NTHL1: variants seen among roughly 807,000 people sequenced by gnomAD.
NTHL1 encodes nth like DNA glycosylase 1, also known as endonuclease III-like protein 1.
NTHL1 carries 32 observed loss-of-function variants against 32.3 expected under a neutral mutation model. That is an observed-to-expected ratio of 0.99 (90% CI 0.75 to 1.33). The LOEUF is 1.33. NTHL1 is among the 40% of genes most tolerant of loss of function. The pLI is 0.00. For missense variants in NTHL1, 501 were observed against 414.1 expected (o/e 1.21, Z -1.82); for synonymous variants, 188 against 176.9 (o/e 1.06, Z -0.50).
At chr16:2,041,995 C>T (rs2084273658) in intron 4 of NTHL1, 1 of 454,726 alleles carries the variant, frequency 2.2e-6, no homozygotes. Context: ...TCAGGTGATC[C>T]ACATACCTCG....
intron 4 of NTHL1, among the ~76,000 whole-genome samples, chr16:2,040,634 G>A (rs2150938927): frequency 1.3e-5 from 2 of 152,324 alleles, no homozygotes; most frequent in East Asian, 3.9e-4. Context: ...ACAAACGCTT[G>A]CTGGGGGCCA....
rs1596219266 is a variant in NTHL1 at position 2,043,581 on chromosome 16, G to A, written c.671C>T (p.Thr224Ile). 1 of 1,608,128 alleles carries A rather than the reference G, an allele frequency of 6.2e-7. No homozygotes were observed. The highest frequency in any genetic ancestry group is 8.5e-7 in the Non-Finnish European group (1 of 1,179,956). Reference sequence around the variant, plus strand: ...CCTCTACTCACCAATGCCTGACACAGTGCCCCAGGCCACAGCCATAGCCAG... The same window carrying A: ...CCTCTACTCACCAATGCCTGACACAATGCCCCAGGCCACAGCCATAGCCAG... ...AHLAMAVAWGTVSGIAVDTHV... is the reference protein window; with the variant it reads ...AHLAMAVAWGIVSGIAVDTHV... Residue 224 changes from threonine to isoleucine, a missense_variant, in exon 4 of 6, where the codon ACT becomes ATT. Coordinates refer to ENST00000651570, the MANE Select transcript of NTHL1 (RefSeq NM_002528.7). This position sits in a 1 kb window ranked among gnomAD's most constrained non-coding sequence, Gnocchi z 4.4.
In NTHL1 at chr16:2,044,705, G is replaced by A. The variant is rs962452543; in HGVS notation, c.450C>T (p.Gly150=). The A allele has an allele frequency of 6.2e-7, 1 of 1,612,330 alleles. No homozygotes were observed. The highest frequency in any genetic ancestry group is 8.5e-7 in the Non-Finnish European group (1 of 1,179,920). The change falls in exon 3 of 6, where the codon GGC becomes GGT. Residue 150 remains glycine, a synonymous_variant. Transcript: ENST00000651570. The surrounding 1 kb of genome is among the most constrained non-coding windows in gnomAD (Gnocchi z 5.0). ...AGAMQRLRAR[G]LTVDSILQTD... is the part of the protein sequence containing the mutation. ...TCTGCAGGATGCTGTCCACCGTCAG[G>A]CCCCGCGCCCGCAGTCGCTGCATGG...
chr16:2,047,441 C>T (rs1262011280), intron 1 of NTHL1: 9 of 564,130 alleles, frequency 1.6e-5, no homozygotes, highest in African/African-American at 7.8e-5. Flanking sequence ...TGGAGAGTCC[C>T]GGACAGAGTG....
intron 4 of NTHL1, among the ~76,000 whole-genome samples, chr16:2,041,616 T>C (rs533516545): frequency 5.6e-4 from 85 of 150,868 alleles, no homozygotes; most frequent in African/African-American, 1.8e-3. Flanking sequence ...CTAATTTTTT[T>C]TTTTTTGGTG....
intron 2 of NTHL1, among the ~76,000 whole-genome samples, chr16:2,045,532 G>A (rs1194258320): frequency 5.9e-5 from 9 of 152,102 alleles, no homozygotes; most frequent in Admixed American, 2.6e-4. Flanking sequence ...CGCCTCCGGG[G>A]TTCAAGCGAT....
chr16:2,047,588 C>A, intron 1 of NTHL1, 121 bp downstream of exon 1: 4 of 1,412,306 alleles, frequency 2.8e-6, no homozygotes, highest in Non-Finnish European at 3.7e-6. Flanking sequence ...GGGAACCGTT[C>A]GCGGCTGCCG....
rs1010733902 is a variant in NTHL1 at position 2,044,488 on chromosome 16, G to A, written c.525+142C>T. On this transcript the variant is annotated intron_variant, in intron 3 of 5. Transcript: ENST00000651570. This position sits in a 1 kb window ranked among gnomAD's most constrained non-coding sequence, Gnocchi z 5.0. ...TGGGCGTCAGGCCTCAGGGCCCCAC[G>A]GCCTGGGGGGGGCTTCAGGGGGACC... 3.8e-6 allele frequency: 4 copies of A among 1,054,004 alleles called. No individual in the cohort carries two copies. Among genetic ancestry groups the A allele is most frequent in the African/African-American group, 1.6e-5 (1 of 64,084 alleles). 65.3% of individuals were successfully genotyped at this position (1,054,004 alleles called of 1,614,324 possible).
At position 2,046,326 on chromosome 16, in the gene NTHL1, T is replaced by C. The variant is rs2150947326; in HGVS notation, c.156A>G (p.Lys52=). 1 of 1,611,098 alleles carries C rather than the reference T, an allele frequency of 6.2e-7. No individual in the cohort carries two copies. The highest frequency in any genetic ancestry group is 8.5e-7 in the Non-Finnish European group (1 of 1,178,366). Residue 52 remains lysine, a synonymous_variant, in exon 2 of 6, where the codon AAA becomes AAG. Transcript: ENST00000651570. ...CATAGGCCACACGCAGTCTCTGTGC[T>C]TTCCGCGGACGCTTCACGGGGCTGT... ...KSHSPVKRPR[K]AQRLRVAYEG... is the part of the protein sequence containing the mutation.
intron 4 of NTHL1, chr16:2,040,492 C>T (rs907610162): frequency 7.7e-5 from 44 of 574,986 alleles, no homozygotes; most frequent in Non-Finnish European, 1.3e-4. Flanking sequence ...CTGTTCTGGG[C>T]TGCCCACTCC....
chr16:2,047,744 T>C lies in NTHL1; in HGVS notation c.80A>G (p.Glu27Gly), dbSNP rs762937286. 5.7e-6 allele frequency: 9 copies of C among 1,585,764 alleles called. No individual in the cohort carries two copies. The highest frequency in any genetic ancestry group is 8.5e-7 in the Non-Finnish European group (1 of 1,172,216). ...PGAGPRGCREEPGPLRRREAA... is the reference protein window; with the variant it reads ...PGAGPRGCREGPGPLRRREAA... ...CTCTCTTCTCCGGAGAGGCCCGGGC[T>C]CCTCCCTACACCCCCGCGGCCCAGC... is the stretch of plus-strand genomic sequence containing the variant. The change falls in exon 1 of 6, where the codon GAG becomes GGG. Residue 27 changes from glutamate (E) to glycine (G), a missense_variant. By Grantham distance (98) the Glu-to-Gly change is moderately conservative (BLOSUM62 -2). Transcript: ENST00000651570.
rs756156987 is a variant in NTHL1, at chr16:2,040,234, C to T, written c.690G>A (p.Val230=). Residue 230 remains valine, a synonymous_variant, in exon 5 of 6, where the codon GTG becomes GTA. Transcript: ENST00000651570. The part of the protein sequence containing the change: ...VAWGTVSGIA[V]DTHVHRIANR... ...TGGCGATTCTGTGCACATGCGTGTC[C>T]ACTGCTGCTGGGAGGCCAAGCGGGG... is the stretch of plus-strand genomic sequence containing the variant. 3.7e-6 allele frequency: 6 copies of T among 1,613,456 alleles called. No homozygotes were observed. In the South Asian group the frequency reaches 4.4e-5, roughly 12 times the overall value.
rs370654050 is a variant in NTHL1 at position 2,046,369 on chromosome 16, G to A, written c.116-3C>T. The A allele has an allele frequency of 1.9e-6, 3 of 1,602,930 alleles. No homozygotes were observed. Among genetic ancestry groups the A allele is most frequent in the Non-Finnish European group, 1.7e-6 (2 of 1,173,150 alleles). ...GGGGCTGTGGCTTTTCCTCGCTTCT[G>A]CAAAAAGCACCACGCAGTCCCTCTG... On this transcript the variant is annotated splice_polypyrimidine_tract_variant and splice_region_variant and intron_variant, in intron 1 of 5. Coordinates refer to ENST00000651570, the MANE Select transcript of NTHL1 (RefSeq NM_002528.7).
At chr16:2,045,906 C>T (rs1050153647) in intron 2 of NTHL1, among the ~76,000 whole-genome samples, 10 of 152,182 alleles carry the variant, frequency 6.6e-5, no homozygotes, top group African/African-American at 1.9e-4. Flanking sequence ...GCCCAGGTCA[C>T]GCCTGCACTG....
At chr16:2,040,323 C>CGGGGGTGGTGG in intron 4 of NTHL1, 85 bp from the exon 5 acceptor site, 4 of 1,255,742 alleles carry the variant, frequency 3.2e-6, no homozygotes, top group Non-Finnish European at 3.5e-6. Flanking sequence ...GAGTCTGCCA[C>CGGGGGTGGTGG]CACCCCCGTG....
At chr16:2,041,308 C>T (rs1567367999) in intron 4 of NTHL1, among the ~76,000 whole-genome samples, 3 of 152,206 alleles carry the variant, frequency 2.0e-5, no homozygotes, top group Non-Finnish European at 1.5e-5. Flanking sequence ...GCCTCCTGCC[C>T]ACCTGGACAG....
In NTHL1 at chr16:2,040,034, C is replaced by T. The variant is rs895744368; in HGVS notation, c.805G>A (p.Glu269Lys). 5.0e-6 allele frequency: 8 copies of T among 1,612,172 alleles called. No homozygotes were observed. Among genetic ancestry groups the T allele is most frequent in the Middle Eastern group, 1.6e-4 (1 of 6,084 alleles). The change falls in exon 6 of 6, where the codon GAG becomes AAG. Residue 269 changes from glutamate (E) to lysine (K), a missense_variant. Transcript: ENST00000651570. The stretch of plus-strand genomic sequence containing the variant: ...AAGCCCACCAAGAGTCCATTGATCT[C>T]GTGCCACAGCTCCCTGTGGGGGTGG... ...EEWLPRELWH[E>K]INGLLVGFGQ... is the part of the protein sequence containing the mutation.
rs570834249 is a variant in NTHL1 at position 2,044,304 on chromosome 16, C to T, written c.525+326G>A. ...CTCCTGGAGGGTGAGGGGCTCTGGACAGGAGGGGGTGACACACCGGGAGAG... is the reference window on the plus strand; with the variant it reads ...CTCCTGGAGGGTGAGGGGCTCTGGATAGGAGGGGGTGACACACCGGGAGAG... On this transcript the variant is annotated intron_variant, in intron 3 of 5. Transcript: ENST00000651570. The surrounding 1 kb of genome is among the most constrained non-coding windows in gnomAD (Gnocchi z 5.0). Among the ~76,000 whole-genome samples the T allele has an allele frequency of 4.7e-4, 71 of 152,198 alleles. No individual in the cohort carries two copies. The highest frequency in any genetic ancestry group is 1.6e-3 in the African/African-American group (68 of 41,530).
chr16:2,044,493 G>T lies in NTHL1; in HGVS notation c.525+137C>A, dbSNP rs879865673. The stretch of plus-strand genomic sequence containing the variant: ...GTCAGGCCTCAGGGCCCCACGGCCT[G>T]GGGGGGGCTTCAGGGGGACCCCCCG... On this transcript the variant is annotated intron_variant, in intron 3 of 5. Coordinates refer to ENST00000651570, the MANE Select transcript of NTHL1 (RefSeq NM_002528.7). The surrounding 1 kb of genome is among the most constrained non-coding windows in gnomAD (Gnocchi z 5.0). The T allele has an allele frequency of 6.8e-5, 74 of 1,088,114 alleles. 1 individual carries two copies. The highest frequency in any genetic ancestry group is 6.2e-4 in the South Asian group (46 of 74,556). 67.4% of individuals were successfully genotyped at this position (1,088,114 alleles called of 1,614,324 possible).
Sources: allele counts gnomAD v4.1 joint callset (sites outside exome capture counted in the v4.1 genomes callset), GRCh38; gene constraint gnomAD v4.1.1; non-coding constraint Gnocchi (gnomAD v3.1); transcripts MANE v1.5; gene names NCBI Gene and HGNC (gene_info 2026-07-23, HGNC 2026-07-21).